DMD: variants seen among roughly 807,000 people sequenced by gnomAD.
DMD encodes dystrophin.
DMD carries 63 observed loss-of-function variants against 330.1 expected under a neutral mutation model. That is an observed-to-expected ratio of 0.19 (90% CI 0.16 to 0.24). DMD has a LOEUF of 0.24. Among genes scored for constraint, DMD ranks in the 10% least tolerant of loss-of-function variants. DMD has a pLI of 1.00. For missense variants in DMD, 3,344 were observed against 2,684.1 expected (o/e 1.25, Z -5.43); for synonymous variants, 1,223 against 959.8 (o/e 1.27, Z -5.07).
At chrX:32,335,109 G>T (rs2097698953) in intron 41 of DMD, among the ~76,000 whole-genome samples, 2 of 111,097 alleles carry the variant, frequency 1.8e-5, no homozygotes, top group Non-Finnish European at 3.8e-5. Context: ...CTTTGTGAAT[G>T]TATAATACTA....
rs148898063 is a variant in DMD at position 31,196,154 on chromosome X, C to T, written c.9807+7807G>A. Reference sequence around the variant, plus strand: ...CTGGAAACCAATATTAAACTTAAGACAATACTGATAATACTCTGATAAGGG... The same window carrying T: ...CTGGAAACCAATATTAAACTTAAGATAATACTGATAATACTCTGATAAGGG... On this transcript the variant is annotated intron_variant, in intron 67 of 78. Coordinates refer to ENST00000357033, the MANE Select transcript of DMD (RefSeq NM_004006.3). 6.5e-3 allele frequency among the ~76,000 whole-genome samples: 725 copies of T among 111,536 alleles called. 7 individuals are homozygous for T. Among genetic ancestry groups the T allele is most frequent in the African/African-American group, 0.022 (686 of 30,702 alleles).
chrX:31,419,021 G>A (rs896361125), intron 60 of DMD, among the ~76,000 whole-genome samples: 26 of 109,000 alleles, frequency 2.4e-4, no homozygotes, highest in African/African-American at 8.1e-4. Flanking sequence ...CTCAGCTCAC[G>A]GCAACTTCCG....
In DMD at chrX:32,939,621, T is replaced by G. The variant is rs984337539; in HGVS notation, c.93+80518A>C. Among the ~76,000 whole-genome samples, 8 of 111,998 alleles carry G rather than the reference T, an allele frequency of 7.1e-5. No homozygotes were observed. The Admixed American group carries it at 7.6e-4, about 11-fold the overall frequency. ...GCATGTGTGTGGATGATGTATGAAA[T>G]ACAAATTGTGTAATTTCTATGACTC... is the stretch of plus-strand genomic sequence containing the variant. On this transcript the variant is annotated intron_variant, in intron 2 of 78. Coordinates refer to ENST00000357033, the MANE Select transcript of DMD (RefSeq NM_004006.3).
At chrX:32,717,796 G>A (rs956563450) in intron 7 of DMD, among the ~76,000 whole-genome samples, 11 of 111,660 alleles carry the variant, frequency 9.9e-5, no homozygotes, top group African/African-American at 2.0e-4. Context: ...GATGCCCAAG[G>A]CCTTGGGAGC....
At chrX:32,968,793 G>GATCA (rs1225691100) in intron 2 of DMD, among the ~76,000 whole-genome samples, 8 of 108,718 alleles carry the variant, frequency 7.4e-5, no homozygotes, top group Non-Finnish European at 1.5e-4. Context: ...ACTTTGGGAG[G>GATCA]CCAGGGTGGG....
intron 44 of DMD, among the ~76,000 whole-genome samples, chrX:32,070,184 C>G (rs1017009100): frequency 9.0e-6 from 1 of 110,973 alleles, no homozygotes; most frequent in Non-Finnish European, 1.9e-5. Flanking sequence ...GGCTAGGAAG[C>G]AGGCGCTCTC....
At chrX:33,019,275 T>C (rs2093867396) in intron 2 of DMD, among the ~76,000 whole-genome samples, 1 of 111,221 alleles carries the variant, frequency 9.0e-6, no homozygotes, top group Non-Finnish European at 1.9e-5. Context: ...AAACAAAATA[T>C]CCACTATCAA....
intron 44 of DMD, among the ~76,000 whole-genome samples, chrX:32,207,348 T>C (rs1281579461): frequency 2.7e-5 from 3 of 111,401 alleles, no homozygotes; most frequent in Non-Finnish European, 5.7e-5. Flanking sequence ...CATCATGTGA[T>C]GACATATCAA....
chrX:33,304,815 A>C (rs1237007750), intron 1 of DMD, among the ~76,000 whole-genome samples: 47 of 103,525 alleles, frequency 4.5e-4, no homozygotes, highest in African/African-American at 1.6e-3. Flanking sequence ...CACATGAAAA[A>C]ATGCTCATCA....
At chrX:33,001,994 A>T (rs1447166437) in intron 2 of DMD, among the ~76,000 whole-genome samples, 3 of 111,661 alleles carry the variant, frequency 2.7e-5, no homozygotes, top group Non-Finnish European at 5.7e-5. Flanking sequence ...GAACCAAAAC[A>T]ACAGTCCTCT....
At chrX:31,156,758 T>TA (rs1305128651) in intron 74 of DMD, among the ~76,000 whole-genome samples, 1 of 112,278 alleles carries the variant, frequency 8.9e-6, no homozygotes, top group Non-Finnish European at 1.9e-5. Context: ...TCAGATGTGC[T>TA]AAAAACTTCC....
At chrX:33,219,031 G>A (rs1469082326) in intron 1 of DMD, among the ~76,000 whole-genome samples, 1 of 110,883 alleles carries the variant, frequency 9.0e-6, no homozygotes, top group African/African-American at 3.3e-5. Context: ...AACAATTTTC[G>A]GGATGGCTAC....
At chrX:32,540,282 G>T (rs1569160219) in intron 17 of DMD, among the ~76,000 whole-genome samples, 1 of 111,169 alleles carries the variant, frequency 9.0e-6, no homozygotes, top group Non-Finnish European at 1.9e-5. Context: ...TGTGACCCAA[G>T]ATCATCAGAC....
At chrX:32,578,387 G>A (rs1297342095) in intron 13 of DMD, among the ~76,000 whole-genome samples, 1 of 111,849 alleles carries the variant, frequency 8.9e-6, no homozygotes, top group East Asian at 2.8e-4. Flanking sequence ...TTCTCATTTT[G>A]TCTCAGCAGT....
At chrX:32,132,988 C>CTTTTTTTTTTTTTTTTTTTT (rs1569545918) in intron 44 of DMD, among the ~76,000 whole-genome samples, 2 of 15,043 alleles carry the variant, frequency 1.3e-4, no homozygotes, top group African/African-American at 4.1e-4. Context: ...CACTCCTTTT[C>CTTTTTTTTTTTTTTTTTTTT]TTTTCTTTTT....
intron 7 of DMD, among the ~76,000 whole-genome samples, chrX:32,740,663 C>T (rs1370073877): frequency 1.8e-5 from 2 of 111,421 alleles, no homozygotes; most frequent in Non-Finnish European, 3.8e-5. Flanking sequence ...CCTCGAATCT[C>T]ATCTTTTGGA....
intron 27 of DMD, among the ~76,000 whole-genome samples, chrX:32,443,528 C>T (rs1348259724): frequency 1.8e-5 from 2 of 110,726 alleles, no homozygotes; most frequent in Non-Finnish European, 3.8e-5. Flanking sequence ...TACCTTAGAG[C>T]TTTGAAGACA....
At position 32,823,499 on chromosome X, in the gene DMD, A is replaced by C. The variant is rs973217790; in HGVS notation, c.265-112T>G. 5.6e-6 allele frequency: 3 copies of C among 537,549 alleles called. No homozygotes were observed. In the African/African-American group the frequency reaches 7.0e-5, roughly 13 times the overall value. 44.3% of individuals were successfully genotyped at this position (537,549 alleles called of 1,213,427 possible). ...TGCATTTAGCTATTTTCAGAGACTT[A>C]GCATTGAAGCTTTTTGAAAATAATC... On this transcript the variant is annotated intron_variant, in intron 4 of 78. Transcript: ENST00000357033.
At chrX:32,423,341 T>A (rs895440060) in intron 29 of DMD, among the ~76,000 whole-genome samples, 4 of 109,382 alleles carry the variant, frequency 3.7e-5, no homozygotes, top group Non-Finnish European at 7.6e-5. Context: ...AATGGATATG[T>A]TAACACTCAT....
Sources: gnomAD v4.1 joint callset for allele counts (sites outside exome capture counted in the v4.1 genomes callset) on GRCh38, gnomAD v4.1.1 for gene constraint, MANE v1.5 for transcripts, NCBI Gene and HGNC (gene_info 2026-07-23, HGNC 2026-07-21) for gene names.